The following CPEB4 variants were observed in gnomAD, a reference collection of about 807,000 sequenced individuals.
The protein encoded by CPEB4 is cytoplasmic polyadenylation element-binding protein 4.
In CPEB4, 12 loss-of-function variants were observed where a neutral mutation model predicts 72.5. The ratio of observed to expected loss-of-function variants is 0.17; its 90% CI spans 0.11 to 0.27. CPEB4 has a LOEUF of 0.27. CPEB4 is among the 10% of genes least tolerant of loss of function. The probability of loss-of-function intolerance (pLI) is 1.00; values close to 1 mark genes in which losing one functional copy is unlikely to be tolerated. For synonymous variants in CPEB4, 302 were observed against 326.3 expected (o/e 0.93, Z 0.80); for missense variants, 614 against 908.5 (o/e 0.68, Z 4.17).
chr5:173,911,742 C>G (rs1276113287), intron 2 of CPEB4, among the ~76,000 whole-genome samples: 1 of 135,204 alleles, frequency 7.4e-6, no homozygotes, highest in Non-Finnish European at 1.5e-5. Flanking sequence ...GGTCATCCCA[C>G]TTAAGCTGTT....
At chr5:173,903,456 G>C (rs1014186531) in intron 1 of CPEB4, among the ~76,000 whole-genome samples, 1 of 152,222 alleles carries the variant, frequency 6.6e-6, no homozygotes, top group Non-Finnish European at 1.5e-5. Context: ...TAACTCCGTG[G>C]TTCTCAAAGA....
chr5:173,920,746 A>T lies in CPEB4; in HGVS notation c.1207+10142A>T, dbSNP rs767191689. On this transcript the variant is annotated intron_variant, in intron 2 of 9. Transcript: ENST00000265085. ...CTGGAGGTACAGTTTTATATTTTAA[A>T]ACTGAAGGTTTTTATGGTGTAATGA... 1.1e-3 allele frequency among the ~76,000 whole-genome samples: 160 copies of T among 152,316 alleles called. 1 individual carries two copies. The highest frequency in any genetic ancestry group is 5.3e-4 in the Non-Finnish European group (36 of 68,028).
In CPEB4 at chr5:173,889,568, C is replaced by T; in HGVS notation, c.-166C>T. 1 of 536,896 alleles carries T rather than the reference C, an allele frequency of 1.9e-6. No individual in the cohort carries two copies. Among genetic ancestry groups the T allele is most frequent in the South Asian group, 3.8e-5 (1 of 26,524 alleles). 33.3% of individuals were successfully genotyped at this position (536,896 alleles called of 1,614,324 possible). A position where few individuals can be genotyped will look rare whatever the true frequency, so the allele number is the denominator to read the frequency against. Reference sequence around the variant, plus strand: ...TTTTTTCTTTCAGAGACCAGAATTCCAAATCAGAACAATTTAAGGTGATAA... The same window carrying T: ...TTTTTTCTTTCAGAGACCAGAATTCTAAATCAGAACAATTTAAGGTGATAA... On this transcript the variant is annotated 5_prime_UTR_variant, in exon 1 of 10. Coordinates refer to ENST00000265085, the MANE Select transcript of CPEB4 (RefSeq NM_030627.4).
At chr5:173,924,487 A>G (rs1335901309) in intron 2 of CPEB4, among the ~76,000 whole-genome samples, 1 of 152,210 alleles carries the variant, frequency 6.6e-6, no homozygotes, top group African/African-American at 2.4e-5. Context: ...CTTTTTGGCC[A>G]AAATAAATCC....
At chr5:173,913,020 A>C (rs1274545581) in intron 2 of CPEB4, among the ~76,000 whole-genome samples, 1 of 152,028 alleles carries the variant, frequency 6.6e-6, no homozygotes, top group Non-Finnish European at 1.5e-5. Context: ...AGCTTCCCAT[A>C]CACTAGGTAC....
intron 2 of CPEB4, among the ~76,000 whole-genome samples, chr5:173,917,212 C>T (rs1756900269): frequency 6.6e-6 from 1 of 152,126 alleles, no homozygotes; most frequent in Non-Finnish European, 1.5e-5. Context: ...GGAAGTCCTA[C>T]TAAAATAGGT....
intron 3 of CPEB4, among the ~76,000 whole-genome samples, chr5:173,939,859 C>A (rs1209029130): frequency 6.6e-6 from 1 of 150,790 alleles, no homozygotes; most frequent in Non-Finnish European, 1.5e-5. Context: ...CGCCTGTAAT[C>A]CTAGCACTTT....
At chr5:173,945,720 A>G (rs1757993849) in intron 5 of CPEB4, among the ~76,000 whole-genome samples, 1 of 152,236 alleles carries the variant, frequency 6.6e-6, no homozygotes, top group South Asian at 2.1e-4. Flanking sequence ...AGTGTTGAAA[A>G]GCACACAGCA....
chr5:173,906,855 G>C (rs1039261522), intron 1 of CPEB4, among the ~76,000 whole-genome samples: 3 of 152,316 alleles, frequency 2.0e-5, no homozygotes, highest in Middle Eastern at 6.8e-3. Flanking sequence ...TACTTTACCA[G>C]TTAGAAGTCA....
intron 2 of CPEB4, among the ~76,000 whole-genome samples, chr5:173,912,772 A>G (rs891648490): frequency 1.3e-5 from 2 of 151,148 alleles, no homozygotes; most frequent in African/African-American, 4.9e-5. Context: ...GGTCTCTACA[A>G]ACATTTAAAA....
chr5:173,952,690 G>C (rs1465984935), intron 8 of CPEB4, among the ~76,000 whole-genome samples: 1 of 152,160 alleles, frequency 6.6e-6, no homozygotes, highest in African/African-American at 2.4e-5. Flanking sequence ...TAGTGTTCAA[G>C]TAATTATTAC....
intron 2 of CPEB4, among the ~76,000 whole-genome samples, chr5:173,927,346 C>T (rs1757278441): frequency 6.6e-6 from 1 of 152,042 alleles, no homozygotes; most frequent in African/African-American, 2.4e-5. Context: ...ACTCAAGATG[C>T]CTAGGTATTA....
In CPEB4 at chr5:173,899,754, T is replaced by C. The variant is rs547705742; in HGVS notation, c.1125+8896T>C. 7.9e-5 allele frequency among the ~76,000 whole-genome samples: 12 copies of C among 152,300 alleles called. No homozygotes were observed. The East Asian group carries it at 2.3e-3, about 29-fold the overall frequency. The stretch of plus-strand genomic sequence containing the variant: ...GTTTTTCTGTTTTTTAAGAGGAATG[T>C]AGAGGTTTGGGGTCCCTTGCAGACT... On this transcript the variant is annotated intron_variant, in intron 1 of 9. Coordinates refer to ENST00000265085, the MANE Select transcript of CPEB4 (RefSeq NM_030627.4).
chr5:173,919,693 G>A (rs1296151810), intron 2 of CPEB4, among the ~76,000 whole-genome samples: 2 of 152,106 alleles, frequency 1.3e-5, no homozygotes, highest in Non-Finnish European at 2.9e-5. Context: ...TTTGGGGGAG[G>A]GGAAGAAATG....
At chr5:173,953,863 T>C (rs536287855) in intron 9 of CPEB4, among the ~76,000 whole-genome samples, 20 of 152,290 alleles carry the variant, frequency 1.3e-4, no homozygotes, top group Middle Eastern at 3.4e-3. Context: ...TCCTAGCAGA[T>C]AGAACTGTAT....
intron 1 of CPEB4, among the ~76,000 whole-genome samples, chr5:173,901,035 A>C (rs1581111973): frequency 6.6e-6 from 1 of 152,192 alleles, no homozygotes; most frequent in East Asian, 1.9e-4. Context: ...AGTATGAACA[A>C]ATTGTCAAGA....
At chr5:173,906,325 T>A (rs558482321) in intron 1 of CPEB4, among the ~76,000 whole-genome samples, 42 of 152,350 alleles carry the variant, frequency 2.8e-4, no homozygotes, top group African/African-American at 8.2e-4. Flanking sequence ...AGGATTTTTT[T>A]AAATTAGTTG....
chr5:173,920,575 G>A (rs1272854734), intron 2 of CPEB4, among the ~76,000 whole-genome samples: 1 of 152,156 alleles, frequency 6.6e-6, no homozygotes, highest in African/African-American at 2.4e-5. Context: ...GAAGTGTTCA[G>A]GGTTGTGTTC....
Position 173,958,578 on chromosome 5 carries a change from T to A in CPEB4, c.*2441T>A, listed in dbSNP as rs1267653925. 1 of 152,656 alleles carries A rather than the reference T, an allele frequency of 6.6e-6. No individual in the cohort carries two copies. Among genetic ancestry groups the A allele is most frequent in the Non-Finnish European group, 1.5e-5 (1 of 68,010 alleles). 9.5% of individuals were successfully genotyped at this position (152,656 alleles called of 1,614,324 possible). On this transcript the variant is annotated 3_prime_UTR_variant, in exon 10 of 10. Transcript: ENST00000265085. ...GAAGAGAAAGCATGTTGCTTAAACA[T>A]CCTTCCCCAGCACCAGCTATTGGTG...
Sources: allele counts gnomAD v4.1 joint callset (sites outside exome capture counted in the v4.1 genomes callset), GRCh38; gene constraint gnomAD v4.1.1; transcripts MANE v1.5; gene names NCBI Gene and HGNC (gene_info 2026-07-23, HGNC 2026-07-21).